SNAP25: variants seen among roughly 807,000 people sequenced by gnomAD.
SNAP25 encodes the protein synaptosome associated protein 25, also known as synaptosomal-associated protein 25.
A neutral mutation model predicts 28.7 loss-of-function variants in SNAP25; 3 were observed. That is an observed-to-expected ratio of 0.10 (90% CI 0.05 to 0.27). The LOEUF is 0.27. Among genes scored for constraint, SNAP25 ranks in the 10% least tolerant of loss-of-function variants. The probability of loss-of-function intolerance (pLI) is 1.00; values close to 1 mark genes in which losing one functional copy is unlikely to be tolerated. For missense variants in SNAP25, 117 were observed against 278.7 expected, an observed-to-expected ratio of 0.42 and a Z score of 4.13; for synonymous variants, 61 against 88.1, an observed-to-expected ratio of 0.69 and a Z score of 1.72.
At chr20:10,291,386 A>AT (rs35898918) in intron 4 of SNAP25, among the ~76,000 whole-genome samples, 21 of 148,074 alleles carry the variant, frequency 1.4e-4, no homozygotes, top group African/African-American at 3.7e-4. Context: ...ATATTTGCGG[A>AT]TTTTTTTTTT....
chr20:10,251,746 G>C lies in SNAP25; in HGVS notation c.-63-23683G>C, dbSNP rs185417518. ...ATTCATGAGATCTTCTGTTTTCATC[G>C]TATATCCCCTCAAGGTTCTAGGTAA... On this transcript the variant is annotated intron_variant, in intron 1 of 7. Coordinates refer to ENST00000254976, the MANE Select transcript of SNAP25 (RefSeq NM_130811.4). Among the ~76,000 whole-genome samples, 284 of 152,188 alleles carry C rather than the reference G, an allele frequency of 1.9e-3. 1 individual carries two copies. The highest frequency in any genetic ancestry group is 6.5e-3 in the African/African-American group (269 of 41,510).
At chr20:10,275,355 A>T in intron 1 of SNAP25, 74 bp from the exon 2 acceptor site, 1 of 629,144 alleles carries the variant, frequency 1.6e-6, no homozygotes, top group Non-Finnish European at 2.6e-6. Flanking sequence ...TGGGCCATTT[A>T]GATTTTCTGG....
chr20:10,283,491 C>G (rs1206331241), intron 3 of SNAP25, among the ~76,000 whole-genome samples: 2 of 152,206 alleles, frequency 1.3e-5, no homozygotes, highest in African/African-American at 4.8e-5. Context: ...AAAGTGTGCT[C>G]AAAGGCAAGG....
At chr20:10,266,096 A>G (rs973974748) in intron 1 of SNAP25, among the ~76,000 whole-genome samples, 3 of 152,316 alleles carry the variant, frequency 2.0e-5, no homozygotes, top group Middle Eastern at 3.4e-3. Flanking sequence ...TGTGCGGCAT[A>G]GAATGTTAGA....
At chr20:10,256,645 G>T (rs1254967040) in intron 1 of SNAP25, among the ~76,000 whole-genome samples, 1 of 152,074 alleles carries the variant, frequency 6.6e-6, no homozygotes, top group Non-Finnish European at 1.5e-5. Context: ...CCACTCCTGG[G>T]AATCTATTAT....
At chr20:10,253,420 G>C (rs1273277071) in intron 1 of SNAP25, among the ~76,000 whole-genome samples, 1 of 152,120 alleles carries the variant, frequency 6.6e-6, no homozygotes, top group Middle Eastern at 3.2e-3. Context: ...TGTGACTCTA[G>C]GCTACTTACC....
chr20:10,292,835 AC>A, intron 4 of SNAP25: 1 of 1,188,844 alleles, frequency 8.4e-7, no homozygotes, highest in Non-Finnish European at 1.2e-6. Flanking sequence ...TCTGTTGGAG[AC>A]CCCCAAAAAA....
intron 7 of SNAP25, among the ~76,000 whole-genome samples, chr20:10,303,399 C>G (rs1168226440): frequency 1.3e-5 from 2 of 152,116 alleles, no homozygotes; most frequent in Non-Finnish European, 2.9e-5. Context: ...GAACCATTGC[C>G]AGGTATTCAA....
chr20:10,298,622 T>C (rs575391455), intron 6 of SNAP25, among the ~76,000 whole-genome samples: 9 of 152,116 alleles, frequency 5.9e-5, no homozygotes, highest in African/African-American at 2.2e-4. Context: ...CTATGCACCA[T>C]GCCACTAAAA....
chr20:10,241,578 G>C (rs1185003692), intron 1 of SNAP25, among the ~76,000 whole-genome samples: 1 of 152,082 alleles, frequency 6.6e-6, no homozygotes, highest in Non-Finnish European at 1.5e-5. Flanking sequence ...GATTGAAATA[G>C]GGTGAGGTGG....
intron 1 of SNAP25, among the ~76,000 whole-genome samples, chr20:10,253,989 C>T (rs2063275745): frequency 6.6e-6 from 1 of 152,192 alleles, no homozygotes; most frequent in Admixed American, 6.5e-5. Context: ...TGGCTTACCA[C>T]CTGCTTTGGG....
intron 1 of SNAP25, among the ~76,000 whole-genome samples, chr20:10,272,355 G>C (rs550008929): frequency 6.6e-6 from 1 of 152,262 alleles, no homozygotes; most frequent in African/African-American, 2.4e-5. Context: ...GCTTCTGAGC[G>C]CCAGAGCCAG....
chr20:10,242,338 T>G (rs938737452), intron 1 of SNAP25, among the ~76,000 whole-genome samples: 2 of 152,062 alleles, frequency 1.3e-5, no homozygotes, highest in Non-Finnish European at 2.9e-5. Flanking sequence ...ACACTCGGAG[T>G]GCCAGGCTTT....
intron 1 of SNAP25, among the ~76,000 whole-genome samples, chr20:10,231,197 T>C (rs1199266734): frequency 4.0e-5 from 6 of 151,614 alleles, no homozygotes; most frequent in Admixed American, 3.9e-4. Flanking sequence ...CATCCTGGCC[T>C]TTTCTACTCA....
chr20:10,279,246 A>G (rs2063742512), intron 3 of SNAP25, among the ~76,000 whole-genome samples: 1 of 152,226 alleles, frequency 6.6e-6, no homozygotes, highest in Non-Finnish European at 1.5e-5. Flanking sequence ...AAAGAAGCCC[A>G]TCTTAGTAAT....
chr20:10,272,448 C>G (rs867173723), intron 1 of SNAP25, among the ~76,000 whole-genome samples: 3 of 152,258 alleles, frequency 2.0e-5, no homozygotes, highest in Middle Eastern at 3.4e-3. Flanking sequence ...TCAACTTCCC[C>G]ACGGGTCCAC....
chr20:10,254,530 C>T (rs2063286770), intron 1 of SNAP25, among the ~76,000 whole-genome samples: 2 of 152,184 alleles, frequency 1.3e-5, no homozygotes, highest in South Asian at 4.1e-4. Context: ...TTTTCCCGCG[C>T]ACTCCCACCT....
chr20:10,272,849 T>C (rs1426053410), intron 1 of SNAP25, among the ~76,000 whole-genome samples: 1 of 152,232 alleles, frequency 6.6e-6, no homozygotes, highest in Non-Finnish European at 1.5e-5. Context: ...TCAGATTCCA[T>C]ATTTGTTGCT....
chr20:10,224,017 C>G (rs1373579606), intron 1 of SNAP25, among the ~76,000 whole-genome samples: 1 of 152,154 alleles, frequency 6.6e-6, no homozygotes, highest in Non-Finnish European at 1.5e-5. Context: ...AAGTGTTTAC[C>G]TATACTGGCT....
Sources: allele counts gnomAD v4.1 joint callset (sites outside exome capture counted in the v4.1 genomes callset), GRCh38; gene constraint gnomAD v4.1.1; transcripts MANE v1.5; gene names NCBI Gene and HGNC (gene_info 2026-07-23, HGNC 2026-07-21).